Variants in SLC25A26 observed in about 807,000 individuals in gnomAD.
SLC25A26 encodes the protein solute carrier family 25 member 26.
SLC25A26 carries 36 observed loss-of-function variants against 37.8 expected under a neutral mutation model. The observed-to-expected ratio is 0.95, with a 90% CI of 0.73 to 1.26. The LOEUF (loss-of-function observed/expected upper bound fraction) is 1.26, where lower values mean the gene tolerates loss of function less well. Among genes scored for constraint, SLC25A26 ranks in the 50% most tolerant of loss-of-function variants. The probability of loss-of-function intolerance (pLI) is 0.00; values close to 1 mark genes in which losing one functional copy is unlikely to be tolerated. For missense variants in SLC25A26, 390 were observed against 331.1 expected (o/e 1.18, Z -1.38); for synonymous variants, 129 against 122.5 (o/e 1.05, Z -0.35).
At chr3:66,228,195 A>C (rs192254301) in intron 1 of SLC25A26, among the ~76,000 whole-genome samples, 242 of 152,350 alleles carry the variant, frequency 1.6e-3, no homozygotes, top group African/African-American at 5.5e-3. Flanking sequence ...GGAGAGCACC[A>C]ATCATGCAAG....
intron 1 of SLC25A26, among the ~76,000 whole-genome samples, chr3:66,150,429 C>T (rs1007313456): frequency 3.4e-5 from 5 of 148,102 alleles, no homozygotes; most frequent in East Asian, 2.0e-4. Flanking sequence ...ACCTGGGAGG[C>T]GGAGGTTGCA....
chr3:66,262,102 G>A lies in SLC25A26; in HGVS notation c.352G>A (p.Val118Ile). The A allele has an allele frequency of 6.3e-7, 1 of 1,589,096 alleles. No homozygotes were observed. The highest frequency in any genetic ancestry group is 1.3e-5 in the African/African-American group (1 of 74,568). ...PSEVVKQRAQ[V>I]SASTRTFQIF... ...TGAAGTGGTTAAGCAGAGGGCACAG[G>A]TATCTGCTTCTACAAGAACATTTCA... The change falls in exon 4 of 10, where the codon GTA becomes ATA. Residue 118 changes from valine to isoleucine, a missense_variant. By Grantham distance (29) the Val-to-Ile change is conservative. Coordinates refer to ENST00000354883, the MANE Select transcript of SLC25A26 (RefSeq NM_001379210.1).
intron 5 of SLC25A26, among the ~76,000 whole-genome samples, chr3:66,334,780 A>C (rs144874577): frequency 1.2e-4 from 18 of 152,266 alleles, no homozygotes; most frequent in Non-Finnish European, 2.2e-4. Context: ...AGCCATAGCT[A>C]ACCCAGAGCT....
chr3:66,225,471 C>T (rs1468210533), intron 1 of SLC25A26, among the ~76,000 whole-genome samples: 4 of 152,200 alleles, frequency 2.6e-5, no homozygotes, highest in Admixed American at 6.5e-5. Context: ...CAAGGGGGCC[C>T]TGGACCCAGT....
intron 1 of SLC25A26, among the ~76,000 whole-genome samples, chr3:66,224,949 C>T (rs548234802): frequency 6.6e-6 from 1 of 152,314 alleles, no homozygotes; most frequent in Admixed American, 6.5e-5. Flanking sequence ...GTCTTACATC[C>T]AGGTCACGCT....
intron 5 of SLC25A26, among the ~76,000 whole-genome samples, chr3:66,281,339 A>G (rs1297263376): frequency 2.0e-5 from 3 of 152,220 alleles, no homozygotes; most frequent in Non-Finnish European, 4.4e-5. Flanking sequence ...GAGGCAATCT[A>G]TGCGGTAATA....
chr3:66,218,746 G>A (rs897944193), upstream of SLC25A26, among the ~76,000 whole-genome samples: 5 of 152,294 alleles, frequency 3.3e-5, no homozygotes, highest in African/African-American at 9.6e-5. Context: ...ACTATATCAT[G>A]AAGACACTCA....
At chr3:66,300,846 T>G (rs533443025) in intron 5 of SLC25A26, among the ~76,000 whole-genome samples, 2 of 152,334 alleles carry the variant, frequency 1.3e-5, no homozygotes, top group Admixed American at 1.3e-4. Context: ...TCTTGTTGCA[T>G]TCACTTGTTA....
At chr3:66,164,393 C>T (rs1170026792) in intron 1 of SLC25A26, among the ~76,000 whole-genome samples, 1 of 152,102 alleles carries the variant, frequency 6.6e-6, no homozygotes, top group Non-Finnish European at 1.5e-5. Context: ...TCACAAATAA[C>T]TCCCAAAGCA....
At position 66,243,617 on chromosome 3, in the gene SLC25A26, T is replaced by C. The variant is rs556849690; in HGVS notation, c.300+305T>C. On this transcript the variant is annotated intron_variant, in intron 3 of 9. Coordinates refer to ENST00000354883, the MANE Select transcript of SLC25A26 (RefSeq NM_001379210.1). ...ATATCCATTCGAATTGTGACAGCTT[T>C]GTATTGTGTCGGTACAACTGAGCTG... Among the ~76,000 whole-genome samples the C allele has an allele frequency of 3.9e-5, 6 of 152,320 alleles. No individual in the cohort carries two copies. In the South Asian group the frequency reaches 1.0e-3, roughly 26 times the overall value.
At chr3:66,316,395 A>G (rs35247977) in intron 5 of SLC25A26, among the ~76,000 whole-genome samples, 21,472 of 152,154 alleles carry the variant, frequency 0.14, 1,876 homozygotes, top group Non-Finnish European at 0.2. Context: ...GCCAGATACG[A>G]AATTCTAGGT....
intron 1 of SLC25A26, among the ~76,000 whole-genome samples, chr3:66,159,391 G>A (rs973851051): frequency 6.6e-6 from 1 of 152,086 alleles, no homozygotes. Flanking sequence ...TTTCATTACT[G>A]TTTTACAGAC....
intron 3 of SLC25A26, among the ~76,000 whole-genome samples, chr3:66,253,454 G>A (rs963893980): frequency 1.3e-5 from 2 of 152,012 alleles, no homozygotes; most frequent in South Asian, 4.2e-4. Flanking sequence ...TTATCCACGT[G>A]GGCCCAGTCT....
chr3:66,194,071 T>A (rs1358570424), intron 1 of SLC25A26, among the ~76,000 whole-genome samples: 1 of 152,212 alleles, frequency 6.6e-6, no homozygotes. Flanking sequence ...TAATTTTAGA[T>A]GTAGCTGCCA....
chr3:66,243,115 T>C (rs1309606350), intron 2 of SLC25A26, 88 bp from the exon 3 acceptor site: 1 of 668,844 alleles, frequency 1.5e-6, no homozygotes, highest in Non-Finnish European at 2.7e-6. Context: ...ATTTAATAAT[T>C]ATTGTCATAC....
At chr3:66,361,885 T>C (rs1163692777) in intron 6 of SLC25A26, among the ~76,000 whole-genome samples, 1 of 152,066 alleles carries the variant, frequency 6.6e-6, no homozygotes, top group Non-Finnish European at 1.5e-5. Context: ...GAGAATCATA[T>C]GAACCCAGGA....
intron 1 of SLC25A26, among the ~76,000 whole-genome samples, chr3:66,207,108 T>A (rs1358483282): frequency 6.6e-6 from 1 of 151,914 alleles, no homozygotes; most frequent in East Asian, 1.9e-4. Context: ...TAATACGATA[T>A]TTTCTTAGCT....
intron 1 of SLC25A26, among the ~76,000 whole-genome samples, chr3:66,193,143 T>A (rs1181738964): frequency 3.3e-5 from 5 of 152,162 alleles, no homozygotes; most frequent in Non-Finnish European, 7.4e-5. Flanking sequence ...ACTGCTTTAT[T>A]TAGTATACTG....
intron 3 of SLC25A26, among the ~76,000 whole-genome samples, chr3:66,253,034 C>CCG (rs2073150340): frequency 6.8e-6 from 1 of 147,700 alleles, no homozygotes; most frequent in Non-Finnish European, 1.5e-5. Context: ...CCCCCCCCCC[C>CCG]CCATAAATAT....
Sources: gnomAD v4.1 joint callset for allele counts (sites outside exome capture counted in the v4.1 genomes callset) on GRCh38, gnomAD v4.1.1 for gene constraint, MANE v1.5 for transcripts, NCBI Gene and HGNC (gene_info 2026-07-23, HGNC 2026-07-21) for gene names.